ANKFN1: variants seen among roughly 807,000 people sequenced by gnomAD.
ANKFN1 encodes the protein ankyrin repeat and fibronectin type-III domain-containing protein 1.
A neutral mutation model predicts 108.7 loss-of-function variants in ANKFN1; 74 were observed. The ratio of observed to expected loss-of-function variants is 0.68; its 90% CI spans 0.56 to 0.83. The LOEUF is 0.83. Ranked by LOEUF, ANKFN1 falls within the 40% of genes least tolerant of loss-of-function variation. The pLI, the probability that ANKFN1 is intolerant of heterozygous loss-of-function variation, is 0.00. For synonymous variants in ANKFN1, 547 were observed against 516.2 expected, an observed-to-expected ratio of 1.06 and a Z score of -0.81; for missense variants, 1,505 against 1,382.3, an observed-to-expected ratio of 1.09 and a Z score of -1.41.
intron 1 of ANKFN1, among the ~76,000 whole-genome samples, chr17:56,165,950 C>T (rs1244647693): frequency 6.6e-6 from 1 of 152,086 alleles, no homozygotes; most frequent in Non-Finnish European, 1.5e-5. Context: ...TGGGAATTTA[C>T]CTAACCCTTC....
At chr17:56,105,347 A>C (rs1185571952) in intron 4 of ANKFN1, among the ~76,000 whole-genome samples, 1 of 152,090 alleles carries the variant, frequency 6.6e-6, no homozygotes, top group African/African-American at 2.4e-5. Context: ...AATGATGTGC[A>C]CTTGATCACG....
intron 15 of ANKFN1, 60 bp from the exon 16 acceptor site, chr17:56,477,428 T>G: frequency 5.1e-4 from 736 of 1,433,284 alleles, no homozygotes; most frequent in Non-Finnish European, 6.2e-4. Flanking sequence ...GAAAAGGTTT[T>G]GAGATTGCCC....
At chr17:56,053,964 C>T (rs753608466) in intron 4 of ANKFN1, among the ~76,000 whole-genome samples, 1 of 152,096 alleles carries the variant, frequency 6.6e-6, no homozygotes, top group African/African-American at 2.4e-5. Context: ...AAGTAATGTA[C>T]GTTGTACCTA....
intron 2 of ANKFN1, among the ~76,000 whole-genome samples, chr17:56,213,418 A>G (rs1490843901): frequency 1.3e-5 from 2 of 152,146 alleles, no homozygotes; most frequent in African/African-American, 2.4e-5. Flanking sequence ...TAGTAAGACA[A>G]TCTCCTCCTA....
chr17:56,375,921 T>A (rs1390568457), intron 8 of ANKFN1, among the ~76,000 whole-genome samples: 1 of 152,228 alleles, frequency 6.6e-6, no homozygotes, highest in Non-Finnish European at 1.5e-5. Flanking sequence ...TTAAGGAATT[T>A]GCCTAAATGC....
chr17:56,402,001 A>T (rs2047779406), intron 8 of ANKFN1, among the ~76,000 whole-genome samples: 1 of 152,034 alleles, frequency 6.6e-6, no homozygotes, highest in Non-Finnish European at 1.5e-5. Flanking sequence ...ACATTTATTG[A>T]CCTGCATATG....
upstream of ANKFN1, among the ~76,000 whole-genome samples, chr17:56,151,037 A>G (rs984739479): frequency 6.6e-6 from 1 of 152,180 alleles, no homozygotes; most frequent in South Asian, 2.1e-4. Flanking sequence ...CAAGGACCTG[A>G]CATGGGGAGC....
At chr17:56,251,883 A>G (rs976301763) in intron 3 of ANKFN1, among the ~76,000 whole-genome samples, 1 of 152,150 alleles carries the variant, frequency 6.6e-6, no homozygotes, top group Non-Finnish European at 1.5e-5. Flanking sequence ...GTATTCATCC[A>G]CTCATTCATC....
intron 4 of ANKFN1, among the ~76,000 whole-genome samples, chr17:56,093,333 C>A (rs1284555435): frequency 1.3e-5 from 2 of 151,282 alleles, no homozygotes; most frequent in Non-Finnish European, 3.0e-5. Context: ...AACCTAGCTT[C>A]TCAACTATGA....
At chr17:56,408,925 A>G (rs981501249) in intron 8 of ANKFN1, among the ~76,000 whole-genome samples, 2 of 143,122 alleles carry the variant, frequency 1.4e-5, no homozygotes, top group East Asian at 4.1e-4. Context: ...TGCTTTTAAG[A>G]TTTTTTTTTT....
chr17:56,419,344 G>A (rs2048331420), intron 8 of ANKFN1, among the ~76,000 whole-genome samples: 1 of 152,064 alleles, frequency 6.6e-6, no homozygotes, highest in Non-Finnish European at 1.5e-5. Flanking sequence ...TTAGCCAGGT[G>A]TGGTGGCAAG....
At chr17:56,378,012 C>T (rs964600660) in intron 8 of ANKFN1, among the ~76,000 whole-genome samples, 1 of 152,144 alleles carries the variant, frequency 6.6e-6, no homozygotes, top group African/African-American at 2.4e-5. Context: ...TTAGAAACCA[C>T]CACCCTAGTT....
At chr17:56,312,342 G>A (rs1449335796) in intron 3 of ANKFN1, among the ~76,000 whole-genome samples, 6 of 152,180 alleles carry the variant, frequency 3.9e-5, no homozygotes, top group African/African-American at 1.4e-4. Flanking sequence ...GCCCAGCACT[G>A]CCTATCTAGT....
chr17:56,510,799 C>A lies in ANKFN1; in HGVS notation c.2971C>A (p.Arg991=). The A allele has an allele frequency of 6.5e-7, 1 of 1,536,170 alleles. No individual in the cohort carries two copies. Among genetic ancestry groups the A allele is most frequent in the Non-Finnish European group, 8.7e-7 (1 of 1,146,908 alleles). ...CCACGCCAAGACTGTGTCCGGTGGG[C>A]GGCCCCCGCTAGGCTTCCTGGGAAA... The part of the protein sequence containing the change: ...KNHAKTVSGG[R]PPLGFLGKRK... The change falls in exon 21 of 21, where the codon CGG becomes AGG. Residue 991 remains arginine, a synonymous_variant. Transcript: ENST00000682825.
At chr17:56,207,359 T>G (rs1914625096) in intron 1 of ANKFN1, among the ~76,000 whole-genome samples, 1 of 152,218 alleles carries the variant, frequency 6.6e-6, no homozygotes. Flanking sequence ...GAACCACTGC[T>G]GTAGTCATGT....
intron 6 of ANKFN1, among the ~76,000 whole-genome samples, chr17:56,358,909 G>A (rs1195502206): frequency 5.9e-5 from 9 of 151,852 alleles, no homozygotes; most frequent in South Asian, 2.1e-4. Context: ...TGACTAACTC[G>A]TATTCTGCCC....
rs1225131613 is a variant in ANKFN1 at position 56,510,367 on chromosome 17, G to C, written c.2645-106G>C. 3.1e-6 allele frequency: 3 copies of C among 969,048 alleles called. No individual in the cohort carries two copies. The African/African-American group carries it at 4.9e-5, about 16-fold the overall frequency. 60.0% of individuals were successfully genotyped at this position (969,048 alleles called of 1,614,324 possible). ...AGGTGACAGCAGGGCATTAAACGAA[G>C]CACAGGCCCCTTCTAAGTGCGGGGT... On this transcript the variant is annotated intron_variant, in intron 20 of 20. Coordinates refer to ENST00000682825, the MANE Select transcript of ANKFN1 (RefSeq NM_001370326.1).
chr17:56,282,606 A>G (rs2044112499), intron 3 of ANKFN1, among the ~76,000 whole-genome samples: 1 of 152,202 alleles, frequency 6.6e-6, no homozygotes, highest in African/African-American at 2.4e-5. Flanking sequence ...AAACAATGAC[A>G]TAGCTCTGAG....
intron 4 of ANKFN1, among the ~76,000 whole-genome samples, chr17:56,148,342 C>A (rs553820879): frequency 3.9e-5 from 6 of 152,284 alleles, no homozygotes; most frequent in African/African-American, 1.4e-4. Flanking sequence ...GGATGATTCT[C>A]CTAATTTTAC....
Sources: allele counts gnomAD v4.1 joint callset (sites outside exome capture counted in the v4.1 genomes callset), GRCh38; gene constraint gnomAD v4.1.1; transcripts MANE v1.5; gene names NCBI Gene and HGNC (gene_info 2026-07-23, HGNC 2026-07-21).